Variants in SPMIP4 observed in about 807,000 individuals in gnomAD.
SPMIP4 encodes sperm microtubule inner protein 4, also known as sperm-associated microtubule inner protein 4.
At chr7:25,142,869 C>G in the SPMIP4 span, 2 of 1,305,942 alleles carry the variant, frequency 1.5e-6, no homozygotes, top group Non-Finnish European at 1.0e-6. Flanking sequence ...AGAATAAGAC[C>G]TGATTCATGA....
At chr7:25,168,262 T>C in the SPMIP4 span, 5 of 1,581,848 alleles carry the variant, frequency 3.2e-6, no homozygotes, top group South Asian at 1.2e-5. Context: ...TAAAGACCTT[T>C]CTGTGAATGG....
the SPMIP4 span, among the ~76,000 whole-genome samples, chr7:25,165,643 T>C: frequency 6.6e-6 from 1 of 152,198 alleles, no homozygotes; most frequent in Middle Eastern, 3.2e-3. Context: ...CCGCCGCGCC[T>C]GGCCGCATTT....
At chr7:25,126,766 CT>C in the SPMIP4 span, among the ~76,000 whole-genome samples, 4 of 152,156 alleles carry the variant, frequency 2.6e-5, no homozygotes, top group Non-Finnish European at 4.4e-5. Context: ...TGTGTACTTA[CT>C]ATTAGTAGTG....
At chr7:25,155,607 A>T in the SPMIP4 span, among the ~76,000 whole-genome samples, 1 of 152,174 alleles carries the variant, frequency 6.6e-6, no homozygotes, top group African/African-American at 2.4e-5. Context: ...CAGCAAAGTG[A>T]TCTCTAACCA....
At chr7:25,174,396 T>C in the SPMIP4 span, among the ~76,000 whole-genome samples, 2 of 152,150 alleles carry the variant, frequency 1.3e-5, no homozygotes, top group Non-Finnish European at 2.9e-5. The surrounding 1 kb of genome is among the most constrained non-coding windows in gnomAD (Gnocchi z 4.5). Context: ...AGAAAATTGT[T>C]TACTTGTTTT....
the SPMIP4 span, among the ~76,000 whole-genome samples, chr7:25,156,057 G>A: frequency 1.3e-5 from 2 of 152,338 alleles, no homozygotes; most frequent in South Asian, 2.1e-4. Context: ...GATATACTTA[G>A]TTAAGACCGA....
At chr7:25,152,083 C>T in the SPMIP4 span, among the ~76,000 whole-genome samples, 1 of 152,302 alleles carries the variant, frequency 6.6e-6, no homozygotes, top group Admixed American at 6.5e-5. Context: ...TAATAGGAGT[C>T]ACTAGTACTT....
chr7:25,132,253 G>A, the SPMIP4 span, among the ~76,000 whole-genome samples: 2 of 152,120 alleles, frequency 1.3e-5, no homozygotes, highest in Non-Finnish European at 2.9e-5. The surrounding 1 kb of genome is among the most constrained non-coding windows in gnomAD (Gnocchi z 5.0). Context: ...GATTGGTCGG[G>A]TGTGAGCTAA....
the SPMIP4 span, among the ~76,000 whole-genome samples, chr7:25,163,107 T>C: frequency 6.6e-6 from 1 of 152,188 alleles, no homozygotes. This position sits in a 1 kb window ranked among gnomAD's most constrained non-coding sequence, Gnocchi z 4.4. Flanking sequence ...AGAAGCCTTG[T>C]ACAAGGATGC....
the SPMIP4 span, among the ~76,000 whole-genome samples, chr7:25,133,269 G>A: frequency 1.3e-5 from 2 of 152,160 alleles, 1 homozygote; most frequent in South Asian, 4.1e-4. Context: ...ATGGACAAAT[G>A]AGTCCTAATT....
the SPMIP4 span, among the ~76,000 whole-genome samples, chr7:25,175,202 T>C: frequency 6.6e-6 from 1 of 152,326 alleles, no homozygotes; most frequent in South Asian, 2.1e-4. Context: ...ACCCTGTCTG[T>C]AGACCAGTCC....
the SPMIP4 span, among the ~76,000 whole-genome samples, chr7:25,174,437 A>C: frequency 1.1e-3 from 168 of 152,350 alleles, no homozygotes; most frequent in African/African-American, 3.9e-3. This position sits in a 1 kb window ranked among gnomAD's most constrained non-coding sequence, Gnocchi z 4.5. Flanking sequence ...TAGATGAGCC[A>C]GTATTTCATT....
At chr7:25,169,016 C>T in the SPMIP4 span, among the ~76,000 whole-genome samples, 2 of 151,720 alleles carry the variant, frequency 1.3e-5, no homozygotes, top group Non-Finnish European at 2.9e-5. Flanking sequence ...GTGTGAGCCA[C>T]TGCATCTGCC....
At chr7:25,132,782 C>T in the SPMIP4 span, among the ~76,000 whole-genome samples, 1 of 152,088 alleles carries the variant, frequency 6.6e-6, no homozygotes, top group African/African-American at 2.4e-5. This position sits in a 1 kb window ranked among gnomAD's most constrained non-coding sequence, Gnocchi z 5.0. Context: ...TAAAGAGTTG[C>T]TTGTGTATAA....
chr7:25,154,445 C>T, the SPMIP4 span, among the ~76,000 whole-genome samples: 3 of 152,170 alleles, frequency 2.0e-5, no homozygotes, highest in African/African-American at 4.8e-5. Flanking sequence ...GGGAGAGATT[C>T]GATGACTAGT....
At chr7:25,131,106 A>G in the SPMIP4 span, among the ~76,000 whole-genome samples, 1 of 152,184 alleles carries the variant, frequency 6.6e-6, no homozygotes. This position sits in a 1 kb window ranked among gnomAD's most constrained non-coding sequence, Gnocchi z 4.2. Context: ...CTGTCAGATC[A>G]ATGGTGGCAT....
the SPMIP4 span, among the ~76,000 whole-genome samples, chr7:25,167,145 C>T: frequency 6.6e-6 from 1 of 152,200 alleles, no homozygotes; most frequent in East Asian, 1.9e-4. Context: ...AAATTCCATA[C>T]AGAGCTATCT....
the SPMIP4 span, among the ~76,000 whole-genome samples, chr7:25,149,397 C>A: frequency 6.6e-6 from 1 of 152,088 alleles, no homozygotes; most frequent in Non-Finnish European, 1.5e-5. Context: ...GTTACTCCCA[C>A]GAAGCTCAGC....
the SPMIP4 span, among the ~76,000 whole-genome samples, chr7:25,161,484 G>A: frequency 2.0e-5 from 3 of 151,980 alleles, no homozygotes; most frequent in Non-Finnish European, 4.4e-5. Context: ...AGATCCTCCT[G>A]CCTTGGCCTC....
Sources: allele counts gnomAD v4.1 joint callset (sites outside exome capture counted in the v4.1 genomes callset), GRCh38; gene constraint gnomAD v4.1.1; non-coding constraint Gnocchi (gnomAD v3.1); transcripts MANE v1.5; gene names NCBI Gene and HGNC (gene_info 2026-07-23, HGNC 2026-07-21).